ST3GAL1: variants seen among roughly 807,000 people sequenced by gnomAD.
ST3GAL1 encodes CMP-N-acetylneuraminate-beta-galactosamide-alpha-2,3-sialyltransferase 1.
A neutral mutation model predicts 34.1 loss-of-function variants in ST3GAL1; 16 were observed. That is an observed-to-expected ratio of 0.47 (90% CI 0.32 to 0.71). The LOEUF is 0.71. ST3GAL1 is among the 30% of genes least tolerant of loss of function. The pLI is 0.04. For synonymous variants in ST3GAL1, 191 were observed against 184.7 expected, an observed-to-expected ratio of 1.03 and a Z score of -0.28; for missense variants, 353 against 447.4, an observed-to-expected ratio of 0.79 and a Z score of 1.90.
At chr8:133,533,352 T>G (rs183081752) in intron 2 of ST3GAL1, among the ~76,000 whole-genome samples, 9 of 152,324 alleles carry the variant, frequency 5.9e-5, no homozygotes, top group African/African-American at 2.2e-4. Context: ...CAAATGGACT[T>G]GAGGTGAGTC....
chr8:133,460,006 C>A, intron 9 of ST3GAL1, 69 bp from the exon 10 acceptor site: 1 of 1,503,556 alleles, frequency 6.7e-7, no homozygotes, highest in Non-Finnish European at 8.9e-7. Flanking sequence ...GAAAGGAAGC[C>A]TGTAGGCGTT....
chr8:133,455,453 T>C lies in ST3GAL1; in HGVS notation c.*4311A>G, dbSNP rs1342196020. The C allele has an allele frequency of 6.6e-6, 1 of 152,268 alleles. No individual in the cohort carries two copies. The highest frequency in any genetic ancestry group is 2.4e-5 in the African/African-American group (1 of 41,456). 9.4% of individuals were successfully genotyped at this position (152,268 alleles called of 1,614,324 possible). On this transcript the variant is annotated 3_prime_UTR_variant, in exon 10 of 10. Coordinates refer to ENST00000522652, the MANE Select transcript of ST3GAL1 (RefSeq NM_173344.3). The stretch of plus-strand genomic sequence containing the variant: ...TGTCTCTGCCTTTTCTTCTAAGTTT[T>C]CCTCCTTTTCTTTGCACAGGTGTCA...
chr8:133,528,916 A>G (rs1319753668), intron 2 of ST3GAL1, among the ~76,000 whole-genome samples: 1 of 152,240 alleles, frequency 6.6e-6, no homozygotes, highest in Non-Finnish European at 1.5e-5. Context: ...GGTCCTTCCC[A>G]TGAGTTAGCA....
rs747777176 is a variant in ST3GAL1 at position 133,459,709 on chromosome 8, TG to T, written c.*54del. The T allele has an allele frequency of 1.2e-4, 188 of 1,545,044 alleles. No individual in the cohort carries two copies. The highest frequency in any genetic ancestry group is 1.5e-4 in the Non-Finnish European group (170 of 1,141,094). Reference sequence around the variant, plus strand: ...GGATGGAACGGCTCCAGCAAGATGCTGGGGCTGGAAATGCAGAGGTGTGACA... The same window carrying T: ...GGATGGAACGGCTCCAGCAAGATGCTGGGCTGGAAATGCAGAGGTGTGACA... On this transcript the variant is annotated 3_prime_UTR_variant, in exon 10 of 10. Transcript: ENST00000522652. The surrounding 1 kb of genome is among the most constrained non-coding windows in gnomAD (Gnocchi z 4.7).
At chr8:133,462,211 A>G (rs1815539776) in intron 8 of ST3GAL1, among the ~76,000 whole-genome samples, 1 of 152,162 alleles carries the variant, frequency 6.6e-6, no homozygotes, top group African/African-American at 2.4e-5. Context: ...ATGGAGAGCA[A>G]TGATGCAGAG....
chr8:133,520,773 GTTTT>G lies in ST3GAL1; in HGVS notation c.-428-21588_-428-21585del, dbSNP rs34241731. 2.9e-3 allele frequency among the ~76,000 whole-genome samples: 376 copies of G among 130,872 alleles called. 2 individuals are homozygous for G. The highest frequency in any genetic ancestry group is 9.3e-3 in the African/African-American group (320 of 34,274). 85.9% of individuals were successfully genotyped at this position (130,872 alleles called of 152,430 possible). On this transcript the variant is annotated intron_variant, in intron 2 of 9. Coordinates refer to ENST00000522652, the MANE Select transcript of ST3GAL1 (RefSeq NM_173344.3). Reference sequence around the variant, plus strand: ...ATGTTTATCATGTTATTTTTTGTGGGTTTTTTTTTTTTTTTTTTGACAGAGTCTC... The same window carrying G: ...ATGTTTATCATGTTATTTTTTGTGGGTTTTTTTTTTTTTTGACAGAGTCTC...
At chr8:133,527,900 C>T (rs543014048) in intron 2 of ST3GAL1, among the ~76,000 whole-genome samples, 5 of 151,992 alleles carry the variant, frequency 3.3e-5, no homozygotes, top group South Asian at 2.1e-4. Context: ...ATGGGCTGGG[C>T]GTGGTGGCTC....
rs529456589 is a variant in ST3GAL1 at position 133,485,807 on chromosome 8, C to T, written c.-373-9207G>A. Among the ~76,000 whole-genome samples the T allele has an allele frequency of 5.9e-5, 9 of 151,332 alleles. No homozygotes were observed. The East Asian group carries it at 1.6e-3, about 26-fold the overall frequency. On this transcript the variant is annotated intron_variant, in intron 3 of 9. Coordinates refer to ENST00000522652, the MANE Select transcript of ST3GAL1 (RefSeq NM_173344.3). Reference sequence around the variant, plus strand: ...TGGAGCTTTGGGGGGGATAGAAGGTCGGGAGTTGGTTTAGCTGCTGCCACA... The same window carrying T: ...TGGAGCTTTGGGGGGGATAGAAGGTTGGGAGTTGGTTTAGCTGCTGCCACA...
At chr8:133,507,036 C>T (rs1817364655) in intron 2 of ST3GAL1, among the ~76,000 whole-genome samples, 1 of 152,120 alleles carries the variant, frequency 6.6e-6, no homozygotes, top group Non-Finnish European at 1.5e-5. Flanking sequence ...TAGTCCTTGA[C>T]CCAGAGACAT....
intron 3 of ST3GAL1, among the ~76,000 whole-genome samples, chr8:133,497,815 T>C (rs1817015291): frequency 6.6e-6 from 1 of 152,080 alleles, no homozygotes; most frequent in South Asian, 2.1e-4. Flanking sequence ...GCCACATTCC[T>C]GCAGACACTT....
intron 2 of ST3GAL1, among the ~76,000 whole-genome samples, chr8:133,510,563 G>A (rs1453632288): frequency 6.6e-6 from 1 of 152,178 alleles, no homozygotes; most frequent in Non-Finnish European, 1.5e-5. Flanking sequence ...GTAAAAATGA[G>A]AGTGGATTGA....
rs115387965 is a variant in ST3GAL1, at chr8:133,504,111, G to A, written c.-428-4922C>T. Reference sequence around the variant, plus strand: ...ATCACTGAAGCCCAGCATGGAAGGTGGGGAGGGAGGGCATCTGGAGAGTCT... The same window carrying A: ...ATCACTGAAGCCCAGCATGGAAGGTAGGGAGGGAGGGCATCTGGAGAGTCT... On this transcript the variant is annotated intron_variant, in intron 2 of 9. Transcript: ENST00000522652. Among the ~76,000 whole-genome samples the A allele has an allele frequency of 8.2e-3, 1,248 of 152,244 alleles. 14 individuals are homozygous for A. Among genetic ancestry groups the A allele is most frequent in the African/African-American group, 0.028 (1,183 of 41,534 alleles).
intron 2 of ST3GAL1, among the ~76,000 whole-genome samples, chr8:133,536,839 T>C (rs1168125263): frequency 6.6e-6 from 1 of 152,134 alleles, no homozygotes; most frequent in Non-Finnish European, 1.5e-5. Flanking sequence ...AAACCAAGTC[T>C]CAGAAAGTGT....
At chr8:133,497,806 C>T (rs192601441) in intron 3 of ST3GAL1, among the ~76,000 whole-genome samples, 1 of 152,222 alleles carries the variant, frequency 6.6e-6, no homozygotes, top group East Asian at 1.9e-4. Context: ...CACCCCACTG[C>T]CACATTCCTG....
chr8:133,520,529 C>T (rs545048269), intron 2 of ST3GAL1, among the ~76,000 whole-genome samples: 1 of 152,266 alleles, frequency 6.6e-6, no homozygotes, highest in South Asian at 2.1e-4. Context: ...GCCAGGAGCT[C>T]ATGGGTTTGG....
intron 3 of ST3GAL1, chr8:133,488,306 G>A (rs1444501978): frequency 1.3e-5 from 2 of 152,238 alleles, no homozygotes; most frequent in East Asian, 1.9e-4. Flanking sequence ...TCAGACACTC[G>A]TCTAGGTATT....
chr8:133,503,579 T>C (rs1035890924), intron 2 of ST3GAL1, among the ~76,000 whole-genome samples: 5 of 151,508 alleles, frequency 3.3e-5, no homozygotes, highest in African/African-American at 7.3e-5. Context: ...GCTGGGCCAA[T>C]TGTTCTTTGA....
intron 2 of ST3GAL1, chr8:133,539,723 A>G (rs1818412262): frequency 6.6e-6 from 1 of 151,936 alleles, no homozygotes; most frequent in Non-Finnish European, 1.5e-5. Context: ...ACAGCAAAAC[A>G]CCATCTCTAT....
rs562454014 is a variant in ST3GAL1, at chr8:133,548,259, G to A, written c.-581-2333C>T. ...CTCCCTCTCTTGGCAGCAGCCAGGG[G>A]GATCCTTGTAAATTGTAACTCAGGC... On this transcript the variant is annotated intron_variant, in intron 1 of 9. Coordinates refer to ENST00000522652, the MANE Select transcript of ST3GAL1 (RefSeq NM_173344.3). Among the ~76,000 whole-genome samples the A allele has an allele frequency of 7.3e-4, 111 of 152,230 alleles. 1 individual carries two copies. Among genetic ancestry groups the A allele is most frequent in the Non-Finnish European group, 1.3e-3 (86 of 68,018 alleles).
Sources: gnomAD v4.1 joint callset for allele counts (sites outside exome capture counted in the v4.1 genomes callset) on GRCh38, gnomAD v4.1.1 for gene constraint, Gnocchi (gnomAD v3.1) non-coding constraint, MANE v1.5 for transcripts, NCBI Gene and HGNC (gene_info 2026-07-23, HGNC 2026-07-21) for gene names.